ASPG: variants seen among roughly 807,000 people sequenced by gnomAD.
The protein encoded by ASPG is asparaginase, also known as 60 kDa lysophospholipase.
Under a neutral mutation model 63.2 loss-of-function variants are expected in ASPG, and 53 were observed. The observed-to-expected ratio is 0.84, with a 90% CI of 0.67 to 1.05. The LOEUF (loss-of-function observed/expected upper bound fraction) is 1.05, where lower values mean the gene tolerates loss of function less well. ASPG is among the 50% of genes least tolerant of loss of function. ASPG has a pLI of 0.00. For missense variants in ASPG, 741 were observed against 794.4 expected (o/e 0.93, Z 0.81); for synonymous variants, 370 against 355.0 (o/e 1.04, Z -0.48).
At chr14:104,086,006 G>A (rs556684872) in intron 1 of ASPG, among the ~76,000 whole-genome samples, 154 bp downstream of exon 1, 1 of 152,238 alleles carries the variant, frequency 6.6e-6, no homozygotes, top group East Asian at 1.9e-4. Context: ...TCCGGCCACC[G>A]GCGTCCCCAC....
chr14:104,108,692 AC>A (rs1275405102), intron 12 of ASPG: 1 of 984,938 alleles, frequency 1.0e-6, no homozygotes, highest in Non-Finnish European at 1.2e-6. Flanking sequence ...CCCCGACCCC[AC>A]CCCCACAGAC....
rs1314811399 is a variant in ASPG, at chr14:104,105,348, G to A, written c.1071G>A (p.Arg357=). 1.2e-6 allele frequency: 2 copies of A among 1,612,516 alleles called. No homozygotes were observed. The highest frequency in any genetic ancestry group is 1.7e-6 in the Non-Finnish European group (2 of 1,179,776). Residue 357 remains arginine (R), a synonymous_variant, in exon 10 of 16, where the codon CGG becomes CGA. Transcript: ENST00000551177. ...VRKELLTKDL[R]GEMTPPSVEE... ...ACCAGCTGCTGACCAAGGACCTTCG[G>A]GGGGAGATGACGCCACCCTCGGTGG... is the stretch of plus-strand genomic sequence containing the variant.
Position 104,111,537 on chromosome 14 carries a change from T to G in ASPG, c.1556T>G (p.Val519Gly). The G allele has an allele frequency of 6.4e-7, 1 of 1,551,946 alleles. No individual in the cohort carries two copies. Among genetic ancestry groups the G allele is most frequent in the Non-Finnish European group, 8.7e-7 (1 of 1,147,674 alleles). Residue 519 changes from valine (V) to glycine (G), a missense_variant, in exon 14 of 16, where the codon GTG becomes GGG. Val to Gly is a moderately radical substitution (Grantham distance 109). Transcript: ENST00000551177. ...AGGGCCGACCTCGAAGGCCTGCAGG[T>G]GTGGTGGCAGGCAGGGGCTGACCTG... Reference protein sequence around the residue: ...AYRADLEGLQVWWQAGADLGQ... With the variant: ...AYRADLEGLQGWWQAGADLGQ...
chr14:104,103,555 G>A lies in ASPG; in HGVS notation c.641-8G>A, dbSNP rs770991023. The A allele has an allele frequency of 1.5e-5, 23 of 1,547,602 alleles. No individual in the cohort carries two copies. In the African/African-American group the frequency reaches 1.8e-4, roughly 12 times the overall value. On this transcript the variant is annotated splice_polypyrimidine_tract_variant and splice_region_variant and intron_variant, in intron 6 of 15. Transcript: ENST00000551177. Reference sequence around the variant, plus strand: ...GAAGGCACCACACAGGCCCTTCCCTGTCCTCAGTCAACAGGGAGCTGGTGC... The same window carrying A: ...GAAGGCACCACACAGGCCCTTCCCTATCCTCAGTCAACAGGGAGCTGGTGC...
At position 104,091,856 on chromosome 14, in the gene ASPG, C is replaced by G. The variant is rs890440659; in HGVS notation, c.83-777C>G. On this transcript the variant is annotated intron_variant, in intron 1 of 15. Transcript: ENST00000551177. This position sits in a 1 kb window ranked among gnomAD's most constrained non-coding sequence, Gnocchi z 6.4. ...GGGAGCTTTGGGACTTGCTGGAGGC[C>G]CTGGAGGGGTGGCTGAGGGGTCAGG... 6.6e-6 allele frequency among the ~76,000 whole-genome samples: 1 copy of G among 151,754 alleles called. No homozygotes were observed. The highest frequency in any genetic ancestry group is 2.4e-5 in the African/African-American group (1 of 41,282).
At chr14:104,111,679 C>T (rs2037388686) in intron 14 of ASPG, 78 bp downstream of exon 14, 1 of 1,233,492 alleles carries the variant, frequency 8.1e-7, no homozygotes, top group African/African-American at 1.5e-5. Context: ...CACCAGCTCA[C>T]TGCTCTGCCC....
chr14:104,106,657 C>T lies in ASPG; in HGVS notation c.1174-142C>T, dbSNP rs897011516. ...AACCCCAGGCCTTCCGATGTGGCAGCTCAGGTTCCTTCTCACCCACGCCCT... is the reference window on the plus strand; with the variant it reads ...AACCCCAGGCCTTCCGATGTGGCAGTTCAGGTTCCTTCTCACCCACGCCCT... On this transcript the variant is annotated intron_variant, in intron 10 of 15. Transcript: ENST00000551177. 5.4e-6 allele frequency: 4 copies of T among 737,656 alleles called. No individual in the cohort carries two copies. In the African/African-American group the frequency reaches 7.0e-5, roughly 13 times the overall value. The allele number at this position is 737,656 out of a possible 1,614,324, so 45.7% of individuals were successfully genotyped here.
At chr14:104,108,907 G>C (rs1399644668) in intron 12 of ASPG, 7 of 985,288 alleles carry the variant, frequency 7.1e-6, no homozygotes, top group African/African-American at 1.7e-5. Flanking sequence ...CCTGGGAGGA[G>C]CTATTCTGCT....
intron 1 of ASPG, among the ~76,000 whole-genome samples, chr14:104,089,897 G>A (rs1170758317): frequency 7.7e-6 from 1 of 129,718 alleles, no homozygotes. Flanking sequence ...GCAGTGAGTC[G>A]AGATGGCATC....
intron 12 of ASPG, chr14:104,108,682 C>T: frequency 1.0e-6 from 1 of 985,448 alleles, no homozygotes; most frequent in Non-Finnish European, 1.2e-6. Flanking sequence ...CTTGCTAGAG[C>T]CCCGACCCCA....
At position 104,112,823 on chromosome 14, in the gene ASPG, C is replaced by G; in HGVS notation, c.*279C>G. 1 of 573,244 alleles carries G rather than the reference C, an allele frequency of 1.7e-6. No homozygotes were observed. Among genetic ancestry groups the G allele is most frequent in the Non-Finnish European group, 3.0e-6 (1 of 336,154 alleles). The allele number at this position is 573,244 out of a possible 1,614,324, so 35.5% of individuals were successfully genotyped here. On this transcript the variant is annotated 3_prime_UTR_variant, in exon 16 of 16. Coordinates refer to ENST00000551177, the MANE Select transcript of ASPG (RefSeq NM_001080464.3). ...TCTCTGCGGGGGTCACTTGGCCCAT[C>G]CTTCCGGGGGCAGCTGTGCGTGTGA...
chr14:104,108,672 C>T, intron 12 of ASPG: 1 of 985,448 alleles, frequency 1.0e-6, no homozygotes, highest in Non-Finnish European at 1.2e-6. Context: ...TCTGCTCCTC[C>T]TTGCTAGAGC....
chr14:104,097,749 C>T, intron 5 of ASPG, 112 bp downstream of exon 5: 1 of 906,334 alleles, frequency 1.1e-6, no homozygotes, highest in Non-Finnish European at 1.7e-6. Flanking sequence ...CTGCCAATAG[C>T]TGGGTGCACT....
chr14:104,106,473 G>A (rs1466281412), intron 10 of ASPG, among the ~76,000 whole-genome samples: 1 of 152,166 alleles, frequency 6.6e-6, no homozygotes, highest in African/African-American at 2.4e-5. Context: ...ATTCCGTCCC[G>A]ACGGCGGTGG....
At chr14:104,087,590 C>T (rs545249997) in intron 1 of ASPG, among the ~76,000 whole-genome samples, 11 of 152,316 alleles carry the variant, frequency 7.2e-5, no homozygotes, top group Middle Eastern at 3.4e-3. Context: ...CCAGCAGGGC[C>T]GGAGCCTGCC....
intron 15 of ASPG, among the ~76,000 whole-genome samples, 182 bp from the exon 16 acceptor site, chr14:104,112,342 C>T (rs2037406436): frequency 6.6e-6 from 1 of 152,074 alleles, no homozygotes; most frequent in African/African-American, 2.4e-5. Context: ...CCGCTTGTCT[C>T]CCAGGCCAGT....
At chr14:104,093,368 G>A (rs1218456332) in intron 2 of ASPG, 123 bp from the exon 3 acceptor site, 1 of 845,792 alleles carries the variant, frequency 1.2e-6, no homozygotes, top group African/African-American at 1.7e-5. Context: ...GCTATGTGCG[G>A]AGCCCTTGGC....
chr14:104,089,406 C>A (rs971655067), intron 1 of ASPG, among the ~76,000 whole-genome samples: 2 of 151,932 alleles, frequency 1.3e-5, no homozygotes, highest in African/African-American at 4.8e-5. Flanking sequence ...GTGGTCCCAG[C>A]TACTGGGGAG....
intron 2 of ASPG, chr14:104,093,233 C>G (rs1309812704): frequency 1.8e-6 from 1 of 570,796 alleles, no homozygotes; most frequent in African/African-American, 1.9e-5. Flanking sequence ...GTCCCAGCCC[C>G]CCTCTTCGAG....
Sources: gnomAD v4.1 joint callset for allele counts (sites outside exome capture counted in the v4.1 genomes callset) on GRCh38, gnomAD v4.1.1 for gene constraint, Gnocchi (gnomAD v3.1) non-coding constraint, MANE v1.5 for transcripts, NCBI Gene and HGNC (gene_info 2026-07-23, HGNC 2026-07-21) for gene names.